IGF2: variants seen among roughly 807,000 people sequenced by gnomAD.
IGF2 encodes insulin-like growth factor 2.
Under a neutral mutation model 12.0 loss-of-function variants are expected in IGF2, and 2 were observed. That is an observed-to-expected ratio of 0.17 (90% CI 0.07 to 0.52). IGF2 has a LOEUF of 0.52. Among genes scored for constraint, IGF2 ranks in the 20% least tolerant of loss-of-function variants. IGF2 has a pLI of 0.95. For missense variants in IGF2, 211 were observed against 268.0 expected (o/e 0.79, Z 1.48); for synonymous variants, 105 against 110.1 (o/e 0.95, Z 0.29).
chr11:2,140,413 G>A (rs1859482954), upstream of IGF2: 7 of 974,456 alleles, frequency 7.2e-6, no homozygotes, highest in Non-Finnish European at 1.0e-5. Flanking sequence ...CAAGGGGAAG[G>A]GGCCGCCGGC....
chr11:2,149,114 G>T, the IGF2 span: 1 of 1,609,970 alleles, frequency 6.2e-7, no homozygotes, highest in Middle Eastern at 1.7e-4. Context: ...CAAGGGATGG[G>T]AGCCCAGTTA....
upstream of IGF2, chr11:2,140,099 A>G: frequency 6.2e-7 from 1 of 1,601,814 alleles, no homozygotes; most frequent in Non-Finnish European, 8.5e-7. Context: ...GCCAGAGGAG[A>G]GAGGATCAGG....
rs1330271909 is a variant in IGF2 at position 2,129,528 on chromosome 11, T to G, written c.*3459A>C. The G allele has an allele frequency of 4.4e-6, 1 of 227,558 alleles. No individual in the cohort carries two copies. The highest frequency in any genetic ancestry group is 8.7e-6 in the Non-Finnish European group (1 of 114,482). 14.1% of individuals were successfully genotyped at this position (227,558 alleles called of 1,614,324 possible). ...GAGGCAGAATATAACACTGGGTGGG[T>G]GGGTGTCCTGACGAATGGGCAGGTA... On this transcript the variant is annotated 3_prime_UTR_variant, in exon 4 of 4. Coordinates refer to ENST00000416167, the MANE Select transcript of IGF2 (RefSeq NM_000612.6). The surrounding 1 kb of genome is among the most constrained non-coding windows in gnomAD (Gnocchi z 8.1).
chr11:2,139,067 G>A lies in IGF2; in HGVS notation c.-845C>T, dbSNP rs1302659512. The stretch of plus-strand genomic sequence containing the variant: ...GGGAGGGCTGGAGGGGGAGCGCGGG[G>A]GGGGGTGACAACGCCGGCGGCCTGC... On this transcript the variant is annotated 5_prime_UTR_variant, in exon 1 of 4. Transcript: ENST00000416167. 6 of 278,358 alleles carry A rather than the reference G, an allele frequency of 2.2e-5. No individual in the cohort carries two copies. The highest frequency in any genetic ancestry group is 1.3e-4 in the Admixed American group (2 of 15,342). 17.2% of individuals were successfully genotyped at this position (278,358 alleles called of 1,614,324 possible). A position where few individuals can be genotyped will look rare whatever the true frequency, so the allele number is the denominator to read the frequency against.
In IGF2 at chr11:2,131,944, C is replaced by T. The variant is rs1200763255; in HGVS notation, c.*1043G>A. The T allele has an allele frequency of 1.4e-4, 12 of 85,272 alleles. No homozygotes were observed. The highest frequency in any genetic ancestry group is 9.4e-4 in the East Asian group (5 of 5,332). 5.3% of individuals were successfully genotyped at this position (85,272 alleles called of 1,614,324 possible). ...TGTGCATGTGTGTGCGTGTGTGTGCCGTGCGTTTGTGTGCTGTGTGTGCAT... is the reference window on the plus strand; with the variant it reads ...TGTGCATGTGTGTGCGTGTGTGTGCTGTGCGTTTGTGTGCTGTGTGTGCAT... On this transcript the variant is annotated 3_prime_UTR_variant, in exon 4 of 4. Transcript: ENST00000416167.
In IGF2 at chr11:2,130,588, CA is replaced by C. The variant is rs770477972; in HGVS notation, c.*2398del. 12,715 of 96,570 alleles carry C rather than the reference CA, an allele frequency of 0.13. 504 individuals carry two copies. Among genetic ancestry groups the C allele is most frequent in the African/African-American group, 0.24 (6,369 of 26,068 alleles). 6.0% of individuals were successfully genotyped at this position (96,570 alleles called of 1,614,324 possible). A position where few individuals can be genotyped will look rare whatever the true frequency, so the allele number is the denominator to read the frequency against. ...AAGCTAAGGAGGGGTAAAAAAAAAA[CA>C]AAAAAAAAAAAAAAAGGAAAAATGC... On this transcript the variant is annotated 3_prime_UTR_variant, in exon 4 of 4. Transcript: ENST00000416167.
Position 2,133,490 on chromosome 11 carries a change from AG to A in IGF2, c.306+26del. 5 of 1,599,600 alleles carry A rather than the reference AG, an allele frequency of 3.1e-6. No homozygotes were observed. Among genetic ancestry groups the A allele is most frequent in the Non-Finnish European group, 4.3e-6 (5 of 1,173,528 alleles). ...AAGCCCTATTTCTCTGTCTCTAGAG[AG>A]TGGGAAAGGGGCCCAGGACCCTCAC... On this transcript the variant is annotated intron_variant, in intron 3 of 3. Transcript: ENST00000416167. The surrounding 1 kb of genome is among the most constrained non-coding windows in gnomAD (Gnocchi z 8.9).
At chr11:2,146,150 C>T, upstream of IGF2, 1 of 488,770 alleles carries the variant, frequency 2.0e-6, no homozygotes, top group South Asian at 1.5e-5. Context: ...CCCCATGGAG[C>T]CTGGCCCATG....
At chr11:2,140,381 C>G, upstream of IGF2, 2 of 1,304,244 alleles carry the variant, frequency 1.5e-6, no homozygotes, top group Non-Finnish European at 2.1e-6. Context: ...ACCCCGCCAG[C>G]CCCCCGCCGC....
At chr11:2,140,157 G>T (rs1264097668), upstream of IGF2, 3 of 1,613,244 alleles carry the variant, frequency 1.9e-6, no homozygotes, top group East Asian at 2.2e-5. Flanking sequence ...GCTCACCGGG[G>T]TGCGTCTAAG....
Position 2,138,785 on chromosome 11 carries a change from GGGGCCA to G in IGF2, c.-569_-564del. On this transcript the variant is annotated 5_prime_UTR_variant, in exon 1 of 4. Transcript: ENST00000416167. ...GGTTGCGGGAGAAAGAGCGGGGGCCGGGGCCAGACGCCAAGAGGGGCGCGGGGAGCA... is the reference window on the plus strand; with the variant it reads ...GGTTGCGGGAGAAAGAGCGGGGGCCGGACGCCAAGAGGGGCGCGGGGAGCA... 1 of 948,556 alleles carries G rather than the reference GGGGCCA, an allele frequency of 1.1e-6. No individual in the cohort carries two copies. The highest frequency in any genetic ancestry group is 1.3e-6 in the Non-Finnish European group (1 of 797,268). 58.8% of individuals were successfully genotyped at this position (948,556 alleles called of 1,614,324 possible).
At position 2,133,008 on chromosome 11, in the gene IGF2, C is replaced by G. The variant is rs749836523; in HGVS notation, c.522G>C (p.Glu174Asp). The G allele has an allele frequency of 3.9e-6, 6 of 1,544,492 alleles. No individual in the cohort carries two copies. In the South Asian group the frequency reaches 7.4e-5, roughly 19 times the overall value. Residue 174 changes from glutamate to aspartate, a missense_variant, in exon 4 of 4, where the codon GAG becomes GAC. Transcript: ENST00000416167. This position sits in a 1 kb window ranked among gnomAD's most constrained non-coding sequence, Gnocchi z 8.9. ...TTGCTCACTTCCGATTGCTGGCCAT[C>G]TCTGGGGGGGCGCCCCCGTGGGCGG... The part of the protein sequence containing the change: ...QDPAHGGAPP[E>D]MASNRK
Position 2,133,253 on chromosome 11 carries a change from G to C in IGF2, c.307-30C>G. The C allele has an allele frequency of 7.0e-7, 1 of 1,421,620 alleles. No homozygotes were observed. The allele number at this position is 1,421,620 out of a possible 1,614,324, so 88.1% of individuals were successfully genotyped here. A position where few individuals can be genotyped will look rare whatever the true frequency, so the allele number is the denominator to read the frequency against. ...GAGGGGAAGGGGCTGGTCAGCAGGTGCCTGCTCTCCACGCTCTTCCGCCTG... is the reference window on the plus strand; with the variant it reads ...GAGGGGAAGGGGCTGGTCAGCAGGTCCCTGCTCTCCACGCTCTTCCGCCTG... On this transcript the variant is annotated intron_variant, in intron 3 of 3. Coordinates refer to ENST00000416167, the MANE Select transcript of IGF2 (RefSeq NM_000612.6). This position sits in a 1 kb window ranked among gnomAD's most constrained non-coding sequence, Gnocchi z 8.9.
intron 2 of IGF2, chr11:2,134,118 A>G: frequency 1.9e-6 from 1 of 512,982 alleles, no homozygotes; most frequent in Non-Finnish European, 3.9e-6. Context: ...CTGCTGAGAC[A>G]GGGAGACAAG....
At position 2,130,287 on chromosome 11, in the gene IGF2, G is replaced by A. The variant is rs1858446267; in HGVS notation, c.*2700C>T. 1 of 229,888 alleles carries A rather than the reference G, an allele frequency of 4.3e-6. No homozygotes were observed. Among genetic ancestry groups the A allele is most frequent in the South Asian group, 1.8e-4 (1 of 5,478 alleles). 14.2% of individuals were successfully genotyped at this position (229,888 alleles called of 1,614,324 possible). A position where few individuals can be genotyped will look rare whatever the true frequency, so the allele number is the denominator to read the frequency against. The stretch of plus-strand genomic sequence containing the variant: ...CCCCCCTCCGCCCTCAGGACTTCTG[G>A]GGACCAGCCACTGTCCCCAGAAGCC... On this transcript the variant is annotated 3_prime_UTR_variant, in exon 4 of 4. Transcript: ENST00000416167.
At position 2,131,735 on chromosome 11, in the gene IGF2, CGT is replaced by C. The variant is rs1327338911; in HGVS notation, c.*1250_*1251del. 32 of 133,684 alleles carry C rather than the reference CGT, an allele frequency of 2.4e-4. No individual in the cohort carries two copies. The highest frequency in any genetic ancestry group is 3.5e-4 in the Non-Finnish European group (25 of 70,548). 8.3% of individuals were successfully genotyped at this position (133,684 alleles called of 1,614,324 possible). On this transcript the variant is annotated 3_prime_UTR_variant, in exon 4 of 4. Coordinates refer to ENST00000416167, the MANE Select transcript of IGF2 (RefSeq NM_000612.6). ...GCTGTGTTCGTGTGTGCTGTGTTCG[CGT>C]GTGTGTGCTGTGTGTGCATGTGTGT...
In IGF2 at chr11:2,132,323, C is replaced by T. The variant is rs137976914; in HGVS notation, c.*664G>A. ...AGCCAGTCTGGGTTGTTGCTATTTT[C>T]GGATGGCCAGTTTACCCTGAAAATT... On this transcript the variant is annotated 3_prime_UTR_variant, in exon 4 of 4. Transcript: ENST00000416167. 112 of 192,574 alleles carry T rather than the reference C, an allele frequency of 5.8e-4. No individual in the cohort carries two copies. Among genetic ancestry groups the T allele is most frequent in the African/African-American group, 2.4e-3 (105 of 43,082 alleles). 11.9% of individuals were successfully genotyped at this position (192,574 alleles called of 1,614,324 possible).
At chr11:2,139,399 G>A (rs1451042584), upstream of IGF2, 1 of 148,242 alleles carries the variant, frequency 6.7e-6, no homozygotes, top group Non-Finnish European at 1.5e-5. Flanking sequence ...CGAACTGCGG[G>A]CGCCCACGCC....
In IGF2 at chr11:2,131,311, C is replaced by T. The variant is rs3168310; in HGVS notation, c.*1676G>A. On this transcript the variant is annotated 3_prime_UTR_variant, in exon 4 of 4. Coordinates refer to ENST00000416167, the MANE Select transcript of IGF2 (RefSeq NM_000612.6). ...GGGGCAGTGGAGATGGGAACAGGAGCGGGGCTCAGACCATGAAAACATTGG... is the reference window on the plus strand; with the variant it reads ...GGGGCAGTGGAGATGGGAACAGGAGTGGGGCTCAGACCATGAAAACATTGG... 1.0e-4 allele frequency: 24 copies of T among 233,272 alleles called. No individual in the cohort carries two copies. The highest frequency in any genetic ancestry group is 4.2e-4 in the East Asian group (7 of 16,566). 14.5% of individuals were successfully genotyped at this position (233,272 alleles called of 1,614,324 possible). A position where few individuals can be genotyped will look rare whatever the true frequency, so the allele number is the denominator to read the frequency against.
Sources: gnomAD v4.1 joint callset for allele counts on GRCh38, gnomAD v4.1.1 for gene constraint, Gnocchi (gnomAD v3.1) non-coding constraint, MANE v1.5 for transcripts, NCBI Gene and HGNC (gene_info 2026-07-23, HGNC 2026-07-21) for gene names.